The following TENM3 variants were observed in gnomAD, a reference collection of about 807,000 sequenced individuals.
TENM3 encodes the protein teneurin-3.
TENM3 carries 63 observed loss-of-function variants against 255.1 expected under a neutral mutation model. The ratio of observed to expected loss-of-function variants is 0.25; its 90% confidence interval spans 0.20 to 0.30. TENM3 has a LOEUF of 0.30. Ranked by LOEUF, TENM3 falls within the 10% of genes least tolerant of loss-of-function variation. The pLI is 1.00. For synonymous variants in TENM3, 1,306 were observed against 1,322.3 expected, an observed-to-expected ratio of 0.99 and a Z score of 0.27; for missense variants, 2,929 against 3,461.1, an observed-to-expected ratio of 0.85 and a Z score of 3.86.
At chr4:182,645,275 G>A (rs1034520386) in intron 5 of TENM3, among the ~76,000 whole-genome samples, 2 of 151,990 alleles carry the variant, frequency 1.3e-5, no homozygotes, top group Non-Finnish European at 2.9e-5. Flanking sequence ...GTAGAAAAAT[G>A]TAAAGTTTGA....
At chr4:182,065,200 A>T in the TENM3 span, among the ~76,000 whole-genome samples, 1 of 151,754 alleles carries the variant, frequency 6.6e-6, no homozygotes, top group Non-Finnish European at 1.5e-5. Flanking sequence ...ATGCCTATCT[A>T]ATTGTTGTAT....
At chr4:181,637,098 C>T in the TENM3 span, among the ~76,000 whole-genome samples, 2 of 152,146 alleles carry the variant, frequency 1.3e-5, no homozygotes, top group Non-Finnish European at 2.9e-5. Context: ...AAGTGAAGGC[C>T]ACCTTCCCAT....
intron 3 of TENM3, among the ~76,000 whole-genome samples, chr4:182,548,205 A>G (rs1214900839): frequency 6.6e-6 from 1 of 152,152 alleles, no homozygotes; most frequent in Non-Finnish European, 1.5e-5. Flanking sequence ...AGCCTGGGCA[A>G]CACAGTGAGA....
Position 182,550,739 on chromosome 4 carries a change from AT to A in TENM3, c.512-50176del, listed in dbSNP as rs546693012. On this transcript the variant is annotated intron_variant, in intron 3 of 27. Coordinates refer to ENST00000511685, the MANE Select transcript of TENM3 (RefSeq NM_001080477.4). ...TATGAGGTTAAAATAGAAGATGTCT[AT>A]TTTTTTTTAACCTCAATACTTAATA... Among the ~76,000 whole-genome samples, 600 of 151,260 alleles carry A rather than the reference AT, an allele frequency of 4.0e-3. 4 individuals carry two copies. The highest frequency in any genetic ancestry group is 0.014 in the African/African-American group (561 of 41,294).
At chr4:181,724,451 T>C in the TENM3 span, among the ~76,000 whole-genome samples, 1 of 152,224 alleles carries the variant, frequency 6.6e-6, no homozygotes, top group African/African-American at 2.4e-5. Context: ...TAATATACTA[T>C]TGAGTTTTTC....
chr4:181,453,135 T>C, the TENM3 span, among the ~76,000 whole-genome samples: 1 of 152,164 alleles, frequency 6.6e-6, no homozygotes, highest in Non-Finnish European at 1.5e-5. Flanking sequence ...TCCAAATAGC[T>C]GTGCAAGGAA....
chr4:181,779,998 G>A, the TENM3 span, among the ~76,000 whole-genome samples: 3 of 152,140 alleles, frequency 2.0e-5, no homozygotes, highest in Non-Finnish European at 4.4e-5. Flanking sequence ...AGTATTCCAT[G>A]GTGTATATGT....
At chr4:182,727,859 A>G (rs1760345899) in intron 13 of TENM3, among the ~76,000 whole-genome samples, 1 of 122,096 alleles carries the variant, frequency 8.2e-6, no homozygotes, top group Non-Finnish European at 1.7e-5. Context: ...CCTTCCTTAG[A>G]AGAACTTTTT....
At chr4:182,432,066 G>C (rs1313611537) in intron 3 of TENM3, among the ~76,000 whole-genome samples, 1 of 139,180 alleles carries the variant, frequency 7.2e-6, no homozygotes, top group Non-Finnish European at 1.5e-5. Context: ...CTGGGCAACA[G>C]AGAAAGTCTC....
chr4:182,612,524 G>C (rs575117036), intron 4 of TENM3, among the ~76,000 whole-genome samples: 2 of 152,216 alleles, frequency 1.3e-5, no homozygotes, highest in African/African-American at 4.8e-5. Context: ...CTGATTTTTA[G>C]ACAGGAGAAA....
intron 3 of TENM3, among the ~76,000 whole-genome samples, chr4:182,351,171 T>G (rs1235861084): frequency 6.6e-6 from 1 of 152,046 alleles, no homozygotes; most frequent in Non-Finnish European, 1.5e-5. Flanking sequence ...TCAAGAGATG[T>G]GCAGAAAATC....
chr4:182,491,665 ATATTCAGTTGAT>A (rs547829707), intron 3 of TENM3, among the ~76,000 whole-genome samples: 4 of 152,290 alleles, frequency 2.6e-5, no homozygotes, highest in African/African-American at 9.6e-5. Flanking sequence ...AAGGTGAATT[ATATTCAGTTGAT>A]TATAAGAAGT....
the TENM3 span, among the ~76,000 whole-genome samples, chr4:181,633,860 C>T: frequency 6.6e-6 from 1 of 152,182 alleles, no homozygotes; most frequent in Non-Finnish European, 1.5e-5. Context: ...CGTGTCAACC[C>T]CTGCAAGGCA....
At chr4:182,362,671 C>T (rs1766103862) in intron 3 of TENM3, among the ~76,000 whole-genome samples, 1 of 152,188 alleles carries the variant, frequency 6.6e-6, no homozygotes, top group Non-Finnish European at 1.5e-5. Flanking sequence ...ACCCCTTGCA[C>T]TTCCCGAGTG....
At chr4:182,103,215 C>A in the TENM3 span, among the ~76,000 whole-genome samples, 1 of 152,296 alleles carries the variant, frequency 6.6e-6, no homozygotes, top group Non-Finnish European at 1.5e-5. Flanking sequence ...TCTGGACATA[C>A]AAGTATGCCT....
intron 1 of TENM3, among the ~76,000 whole-genome samples, chr4:182,289,548 A>G (rs907234789): frequency 2.0e-5 from 3 of 152,230 alleles, no homozygotes; most frequent in Non-Finnish European, 4.4e-5. Flanking sequence ...TAAATCTTTA[A>G]CTAAATCTTA....
the TENM3 span, among the ~76,000 whole-genome samples, chr4:181,851,378 C>T: frequency 5.3e-5 from 8 of 152,194 alleles, no homozygotes; most frequent in Non-Finnish European, 8.8e-5. Context: ...AAATACACCA[C>T]AACCCTCATG....
At chr4:182,487,419 G>T (rs1349364440) in intron 3 of TENM3, among the ~76,000 whole-genome samples, 2 of 151,458 alleles carry the variant, frequency 1.3e-5, no homozygotes, top group Non-Finnish European at 2.9e-5. Flanking sequence ...TTTTGAAAAA[G>T]AATAATAGAG....
chr4:182,086,634 A>G, the TENM3 span, among the ~76,000 whole-genome samples: 1 of 152,130 alleles, frequency 6.6e-6, no homozygotes, highest in Non-Finnish European at 1.5e-5. Context: ...GGCATCAACT[A>G]TCTTTGAGTT....
Sources: allele counts gnomAD v4.1 joint callset (sites outside exome capture counted in the v4.1 genomes callset), GRCh38; gene constraint gnomAD v4.1.1; transcripts MANE v1.5; gene names NCBI Gene and HGNC (gene_info 2026-07-23, HGNC 2026-07-21).